C12orf50: variants seen among roughly 807,000 people sequenced by gnomAD.
The protein encoded by C12orf50 is uncharacterized protein C12orf50.
Under a neutral mutation model 61.6 loss-of-function variants are expected in C12orf50, and 35 were observed. The ratio of observed to expected loss-of-function variants is 0.57; its 90% CI spans 0.43 to 0.75. The LOEUF (loss-of-function observed/expected upper bound fraction) is 0.75. C12orf50 is among the 30% of genes least tolerant of loss of function. C12orf50 has a pLI of 0.00. For missense variants in C12orf50, 475 were observed against 488.5 expected, an observed-to-expected ratio of 0.97 and a Z score of 0.26; for synonymous variants, 178 against 161.5, an observed-to-expected ratio of 1.10 and a Z score of -0.77.
chr12:88,028,995 T>C (rs757333256), intron 1 of C12orf50: 158 of 839,056 alleles, frequency 1.9e-4, no homozygotes, highest in Non-Finnish European at 2.4e-4. Flanking sequence ...CAATACAAGT[T>C]ATTGCCATAT....
chr12:88,005,895 G>C (rs896787407), intron 3 of C12orf50, among the ~76,000 whole-genome samples: 20 of 112,088 alleles, frequency 1.8e-4, no homozygotes, highest in Non-Finnish European at 3.2e-4. Context: ...AAAGGACTAT[G>C]TTTTTTTGTT....
chr12:88,023,586 T>C (rs1004370352), intron 3 of C12orf50, among the ~76,000 whole-genome samples: 4 of 150,296 alleles, frequency 2.7e-5, no homozygotes, highest in Non-Finnish European at 5.9e-5. Flanking sequence ...GGGAATCACT[T>C]GAACCCAGGA....
In C12orf50 at chr12:87,987,916, G is replaced by A. The variant is rs1228691155; in HGVS notation, c.751C>T (p.Pro251Ser). 3.7e-6 allele frequency: 6 copies of A among 1,611,886 alleles called. No homozygotes were observed. Among genetic ancestry groups the A allele is most frequent in the Non-Finnish European group, 5.1e-6 (6 of 1,178,652 alleles). Residue 251 changes from proline to serine, a missense_variant, in exon 9 of 13, where the codon CCT becomes TCT. By Grantham distance (74) the Pro-to-Ser change is moderately conservative. Transcript: ENST00000298699. The part of the protein sequence containing the change: ...PKHSLTTRLV[P>S]TTHVLNATEN... ...GTAGCATTTAATACATGCGTTGTAG[G>A]TACTAGTCGGGTAGTTAGGGAATGC...
chr12:88,012,059 T>C (rs569184671), intron 3 of C12orf50, among the ~76,000 whole-genome samples: 1 of 152,316 alleles, frequency 6.6e-6, no homozygotes, highest in Non-Finnish European at 1.5e-5. Context: ...AGCTGTTTTG[T>C]TTTGCATTTT....
upstream of C12orf50, chr12:88,030,117 T>C: frequency 6.2e-6 from 1 of 160,464 alleles, no homozygotes; most frequent in Non-Finnish European, 1.4e-5. Context: ...ATTAGTCCGT[T>C]TTCATGCTGC....
chr12:88,007,914 T>A (rs1267213505), intron 3 of C12orf50, among the ~76,000 whole-genome samples: 1 of 152,080 alleles, frequency 6.6e-6, no homozygotes, highest in Non-Finnish European at 1.5e-5. Context: ...GCTTTAAAAG[T>A]GGAACTTTAT....
intron 3 of C12orf50, among the ~76,000 whole-genome samples, chr12:88,005,743 G>A (rs140350907): frequency 1.5e-3 from 215 of 141,548 alleles, no homozygotes; most frequent in East Asian, 0.012. Flanking sequence ...CGGTTCAAGC[G>A]AGAATCCATG....
Position 87,983,173 on chromosome 12 carries a change from A to C in C12orf50, c.1149T>G (p.Tyr383Ter). The stretch of plus-strand genomic sequence containing the variant: ...TTCGTTTTCGCCAGGCTGAATCATT[A>C]TATGATGTTGACGTATATTTGTCTG... ...LSPDKYTSTSYNDSAWRKRIP... is the reference protein window; with the variant it reads ...LSPDKYTSTS Residue 383 changes from tyrosine to a stop codon, truncating the protein, a stop_gained, in exon 12 of 13, where the codon TAT becomes TAG. Coordinates refer to ENST00000298699, the MANE Select transcript of C12orf50 (RefSeq NM_152589.3). LOFTEE classifies it high-confidence loss of function. 1 of 1,601,672 alleles carries C rather than the reference A, an allele frequency of 6.2e-7. No individual in the cohort carries two copies. Among genetic ancestry groups the C allele is most frequent in the Non-Finnish European group, 8.5e-7 (1 of 1,172,902 alleles).
In C12orf50 at chr12:88,025,846, C is replaced by A. The variant is rs142648303; in HGVS notation, c.133+642G>T. Among the ~76,000 whole-genome samples, 100 of 152,310 alleles carry A rather than the reference C, an allele frequency of 6.6e-4. 1 individual carries two copies. The East Asian group carries it at 0.013, about 20-fold the overall frequency. ...GCATCAGGGAAACCTAATAGCCCAACCTTCTTCAGCAAGGTTCTTACCATT... is the reference window on the plus strand; with the variant it reads ...GCATCAGGGAAACCTAATAGCCCAAACTTCTTCAGCAAGGTTCTTACCATT... On this transcript the variant is annotated intron_variant, in intron 3 of 12. Transcript: ENST00000298699.
intron 7 of C12orf50, among the ~76,000 whole-genome samples, chr12:87,993,342 G>A (rs972185614): frequency 6.6e-6 from 1 of 152,120 alleles, no homozygotes. Context: ...CAAACTGTTC[G>A]ATTAGAACTG....
intron 3 of C12orf50, among the ~76,000 whole-genome samples, chr12:88,016,696 C>G (rs538501809): frequency 6.6e-6 from 1 of 152,190 alleles, no homozygotes; most frequent in Non-Finnish European, 1.5e-5. Context: ...TATGTGAGAG[C>G]CAGTACTATG....
intron 3 of C12orf50, among the ~76,000 whole-genome samples, chr12:88,022,689 G>A (rs2032559841): frequency 6.6e-6 from 1 of 152,062 alleles, no homozygotes; most frequent in Non-Finnish European, 1.5e-5. Flanking sequence ...ACAAATATCA[G>A]TAGCATTCCT....
intron 8 of C12orf50, 111 bp from the exon 9 acceptor site, chr12:87,988,077 A>T: frequency 3.9e-6 from 2 of 512,170 alleles, no homozygotes; most frequent in Non-Finnish European, 6.6e-6. Flanking sequence ...TCTTTAAAAT[A>T]ATATATATAT....
chr12:88,028,709 A>T (rs2032795359), intron 1 of C12orf50, among the ~76,000 whole-genome samples: 1 of 152,174 alleles, frequency 6.6e-6, no homozygotes, highest in African/African-American at 2.4e-5. Context: ...GACTGGAATC[A>T]TATTAACTAA....
intron 3 of C12orf50, among the ~76,000 whole-genome samples, chr12:88,005,607 A>G (rs1431411378): frequency 6.6e-6 from 1 of 152,196 alleles, no homozygotes; most frequent in Non-Finnish European, 1.5e-5. Flanking sequence ...CAATCCCAAA[A>G]GAACTCTTTT....
At chr12:88,024,894 A>G (rs1462042302) in intron 3 of C12orf50, among the ~76,000 whole-genome samples, 1 of 152,224 alleles carries the variant, frequency 6.6e-6, no homozygotes, top group Admixed American at 6.5e-5. Flanking sequence ...TTCAAGTTAC[A>G]TAAGGACTGG....
At chr12:87,985,701 A>G in intron 11 of C12orf50, 149 bp downstream of exon 11, 2 of 747,566 alleles carry the variant, frequency 2.7e-6, no homozygotes, top group Non-Finnish European at 4.5e-6. Context: ...CTGCACATGG[A>G]AGAAATCCTC....
At chr12:87,983,281 G>T (rs2030614137) in intron 11 of C12orf50, 86 bp from the exon 12 acceptor site, 2 of 756,074 alleles carry the variant, frequency 2.6e-6, no homozygotes, top group Non-Finnish European at 4.1e-6. Flanking sequence ...CATCTCAGGG[G>T]TGAAGCTATT....
intron 3 of C12orf50, among the ~76,000 whole-genome samples, chr12:88,016,355 T>C (rs532897176): frequency 1.3e-5 from 2 of 152,344 alleles, no homozygotes; most frequent in African/African-American, 4.8e-5. Context: ...GGTATTACTT[T>C]ATAATTTAAT....
Sources: gnomAD v4.1 joint callset for allele counts (sites outside exome capture counted in the v4.1 genomes callset) on GRCh38, gnomAD v4.1.1 for gene constraint, MANE v1.5 for transcripts, NCBI Gene and HGNC (gene_info 2026-07-23, HGNC 2026-07-21) for gene names.